MAP7: variants seen among roughly 807,000 people sequenced by gnomAD.
MAP7 encodes the protein ensconsin.
Under a neutral mutation model 94.8 loss-of-function variants are expected in MAP7, and 52 were observed. The ratio of observed to expected loss-of-function variants is 0.55; its 90% CI spans 0.44 to 0.69. The LOEUF (loss-of-function observed/expected upper bound fraction) is 0.69, where lower values mean the gene tolerates loss of function less well. MAP7 is among the 30% of genes least tolerant of loss of function. The probability of loss-of-function intolerance (pLI) is 0.00; values close to 1 mark genes in which losing one functional copy is unlikely to be tolerated. For synonymous variants in MAP7, 350 were observed against 357.0 expected (o/e 0.98, Z 0.22); for missense variants, 940 against 964.6 (o/e 0.97, Z 0.34).
intron 3 of MAP7, among the ~76,000 whole-genome samples, chr6:136,394,970 A>ATATATATATC (rs1582782641): frequency 1.5e-5 from 2 of 131,228 alleles, no homozygotes; most frequent in South Asian, 2.4e-4. Flanking sequence ...ATATATATAT[A>ATATATATATC]TCACATTTTC....
chr6:136,477,648 G>A (rs547698051), intron 1 of MAP7, among the ~76,000 whole-genome samples: 23 of 152,150 alleles, frequency 1.5e-4, no homozygotes, highest in Non-Finnish European at 2.9e-4. Context: ...CAATACTGGA[G>A]CACTCAGAAA....
At chr6:136,428,258 G>T (rs980978027) in intron 1 of MAP7, among the ~76,000 whole-genome samples, 1 of 152,194 alleles carries the variant, frequency 6.6e-6, no homozygotes, top group Non-Finnish European at 1.5e-5. Flanking sequence ...GCTCACACCT[G>T]CAATCCCAGC....
intron 1 of MAP7, among the ~76,000 whole-genome samples, chr6:136,510,429 C>T (rs776289017): frequency 2.0e-4 from 30 of 152,090 alleles, no homozygotes; most frequent in Non-Finnish European, 2.6e-4. Context: ...GAAATGGTTA[C>T]CCGTGAGTTC....
intron 10 of MAP7, chr6:136,364,037 G>A (rs1793584654): frequency 4.1e-6 from 1 of 245,824 alleles, no homozygotes; most frequent in South Asian, 4.7e-5. Context: ...CGGTCCCTCT[G>A]AGGAATGTAG....
intron 1 of MAP7, among the ~76,000 whole-genome samples, chr6:136,461,058 T>C (rs998484623): frequency 6.6e-6 from 1 of 152,182 alleles, no homozygotes; most frequent in Non-Finnish European, 1.5e-5. Context: ...ATCTTATTCC[T>C]AACAGCTCCA....
chr6:136,413,996 T>A (rs1788376518), intron 2 of MAP7, among the ~76,000 whole-genome samples: 1 of 151,902 alleles, frequency 6.6e-6, no homozygotes, highest in Admixed American at 6.6e-5. Flanking sequence ...ACGCCTGTAA[T>A]CCCAGCACTT....
At chr6:136,350,195 T>C (rs1007875452) in intron 16 of MAP7, among the ~76,000 whole-genome samples, 1 of 152,158 alleles carries the variant, frequency 6.6e-6, no homozygotes, top group African/African-American at 2.4e-5. Flanking sequence ...CCATGTTCTT[T>C]GGCAGGGACC....
At chr6:136,486,903 GGTAA>G (rs1276400146) in intron 1 of MAP7, among the ~76,000 whole-genome samples, 2 of 152,038 alleles carry the variant, frequency 1.3e-5, no homozygotes, top group Non-Finnish European at 2.9e-5. Flanking sequence ...TTTGACAAAA[GGTAA>G]GTAAACTTTA....
chr6:136,389,294 AAGTTTGCTGCATGTCTGAACTAGAGG>A, intron 4 of MAP7, 34 bp downstream of exon 4: 1 of 1,496,336 alleles, frequency 6.7e-7, no homozygotes, highest in Non-Finnish European at 8.9e-7. Context: ...GTTTCACAGA[AAGTTTGCTGCATGTCTGAACTAGAGG>A]AGCCACTCAT....
chr6:136,359,540 T>C (rs1194242077), intron 15 of MAP7, among the ~76,000 whole-genome samples: 1 of 152,186 alleles, frequency 6.6e-6, no homozygotes, highest in East Asian at 1.9e-4. Context: ...CATATATGTA[T>C]AAGTATATAT....
At chr6:136,506,973 C>T (rs1821709547) in intron 1 of MAP7, among the ~76,000 whole-genome samples, 1 of 152,202 alleles carries the variant, frequency 6.6e-6, no homozygotes, top group Non-Finnish European at 1.5e-5. Flanking sequence ...CTTCCAATTC[C>T]TGTAAATCAC....
chr6:136,518,149 G>A (rs189855748), intron 1 of MAP7, among the ~76,000 whole-genome samples: 94 of 152,090 alleles, frequency 6.2e-4, no homozygotes, highest in East Asian at 3.9e-3. Context: ...CTGAATCTTC[G>A]TATTTTAATA....
At chr6:136,384,990 C>T (rs1778803058) in intron 5 of MAP7, among the ~76,000 whole-genome samples, 1 of 152,166 alleles carries the variant, frequency 6.6e-6, no homozygotes, top group East Asian at 1.9e-4. Flanking sequence ...TTCTGATCTA[C>T]AGTAGCCAAA....
At chr6:136,496,620 T>C (rs1175955185) in intron 1 of MAP7, among the ~76,000 whole-genome samples, 2 of 151,614 alleles carry the variant, frequency 1.3e-5, no homozygotes, top group African/African-American at 4.9e-5. Flanking sequence ...ATATTACATA[T>C]GTTAACTTGG....
rs59994717 is a variant in MAP7, at chr6:136,415,379, C to T, written c.167-3682G>A. On this transcript the variant is annotated intron_variant, in intron 2 of 17. Coordinates refer to ENST00000354570, the MANE Select transcript of MAP7 (RefSeq NM_003980.6). ...AATTCCACTGACAAATTCTGTTAGA[C>T]AATATTTCAATTAAGTATGTGCCAT... is the stretch of plus-strand genomic sequence containing the variant. Among the ~76,000 whole-genome samples the T allele has an allele frequency of 6.1e-3, 925 of 152,272 alleles. 8 individuals are homozygous for T. The highest frequency in any genetic ancestry group is 0.021 in the African/African-American group (883 of 41,570).
chr6:136,386,731 A>G (rs1478540155), intron 5 of MAP7, among the ~76,000 whole-genome samples: 1 of 152,244 alleles, frequency 6.6e-6, no homozygotes, highest in Admixed American at 6.5e-5. Flanking sequence ...CCAAGAAAAC[A>G]GAAGTGCTTT....
At chr6:136,523,307 G>A (rs939011210) in intron 1 of MAP7, among the ~76,000 whole-genome samples, 1 of 152,182 alleles carries the variant, frequency 6.6e-6, no homozygotes, top group Non-Finnish European at 1.5e-5. Context: ...AAGGACGAAC[G>A]AACCAGAGAA....
intron 17 of MAP7, among the ~76,000 whole-genome samples, chr6:136,344,652 C>T (rs1369632015): frequency 1.3e-5 from 2 of 152,200 alleles, no homozygotes; most frequent in Non-Finnish European, 2.9e-5. Context: ...TAGGAAGCTG[C>T]ACTGGGCATG....
chr6:136,547,499 G>T (rs1829821955), intron 1 of MAP7, among the ~76,000 whole-genome samples: 1 of 152,068 alleles, frequency 6.6e-6, no homozygotes, highest in South Asian at 2.1e-4. Context: ...ACCCATCGTA[G>T]GTCGACTACT....
Sources: allele counts gnomAD v4.1 joint callset (sites outside exome capture counted in the v4.1 genomes callset), GRCh38; gene constraint gnomAD v4.1.1; transcripts MANE v1.5; gene names NCBI Gene and HGNC (gene_info 2026-07-23, HGNC 2026-07-21).